The following UBQLN1 variants were observed in gnomAD, a reference collection of about 807,000 sequenced individuals.
UBQLN1 encodes the protein ubiquilin-1.
UBQLN1 carries 13 observed loss-of-function variants against 65.4 expected under a neutral mutation model. The observed-to-expected ratio is 0.20, with a 90% CI of 0.13 to 0.32. UBQLN1 has a LOEUF of 0.32. UBQLN1 is among the 10% of genes least tolerant of loss of function. UBQLN1 has a pLI of 1.00. For synonymous variants in UBQLN1, 267 were observed against 247.8 expected (o/e 1.08, Z -0.73); for missense variants, 561 against 724.0 (o/e 0.77, Z 2.58).
intron 9 of UBQLN1, among the ~76,000 whole-genome samples, 170 bp from the exon 10 acceptor site, chr9:83,664,213 G>A (rs938512802): frequency 2.0e-5 from 3 of 152,154 alleles, no homozygotes; most frequent in Non-Finnish European, 4.4e-5. Flanking sequence ...CCAGGAATTT[G>A]AGATCAGCTT....
Position 83,677,923 on chromosome 9 carries a change from T to C in UBQLN1, c.909A>G (p.Thr303=), listed in dbSNP as rs762879940. 1 of 1,613,968 alleles carries C rather than the reference T, an allele frequency of 6.2e-7. No individual in the cohort carries two copies. The highest frequency in any genetic ancestry group is 8.5e-7 in the Non-Finnish European group (1 of 1,179,992). ...AAGGTTGACTACCTTCACCAGAGGA[T>C]GTATTGCTCACCAAGGAAGCAAATG... ...GNPFASLVSN[T]SSGEGSQPSR... is the part of the protein sequence containing the mutation. The change falls in exon 6 of 11, where the codon ACA becomes ACG. Residue 303 remains threonine, a synonymous_variant. Transcript: ENST00000376395.
At chr9:83,667,935 T>G in intron 7 of UBQLN1, 1 of 984,220 alleles carries the variant, frequency 1.0e-6, no homozygotes, top group Non-Finnish European at 1.2e-6. Flanking sequence ...AAAAAAATAG[T>G]ATGTGAGTGC....
chr9:83,668,512 G>T lies in UBQLN1; in HGVS notation c.1248+673C>A, dbSNP rs112722124. The T allele has an allele frequency of 6.2e-3, 6,082 of 985,298 alleles. 224 individuals carry two copies. The African/African-American group carries it at 0.092, about 15-fold the overall frequency. 61.0% of individuals were successfully genotyped at this position (985,298 alleles called of 1,614,324 possible). A position where few individuals can be genotyped will look rare whatever the true frequency, so the allele number is the denominator to read the frequency against. On this transcript the variant is annotated intron_variant, in intron 7 of 10. Coordinates refer to ENST00000376395, the MANE Select transcript of UBQLN1 (RefSeq NM_013438.5). ...CTTGAGGGAGAAAGGGTTATCGGAC[G>T]CAATTATCTCAAAATCTCTAAGGAT...
At position 83,670,775 on chromosome 9, in the gene UBQLN1, T is replaced by C. The variant is rs1460722001; in HGVS notation, c.1106-1448A>G. Among the ~76,000 whole-genome samples, 3 of 152,200 alleles carry C rather than the reference T, an allele frequency of 2.0e-5. No homozygotes were observed. In the East Asian group the frequency reaches 5.8e-4, roughly 29 times the overall value. ...CAATCCTCTCAAACCCTGCCACTGC[T>C]TTATCAACAAAGTTTATGAAACATT... On this transcript the variant is annotated intron_variant, in intron 6 of 10. Coordinates refer to ENST00000376395, the MANE Select transcript of UBQLN1 (RefSeq NM_013438.5).
intron 6 of UBQLN1, among the ~76,000 whole-genome samples, chr9:83,671,073 C>A (rs558827369): frequency 2.6e-4 from 39 of 152,140 alleles, no homozygotes; most frequent in Non-Finnish European, 3.8e-4. Context: ...TCAAGGGATC[C>A]TCCTGCCCGA....
chr9:83,686,434 C>T (rs1439481079), intron 1 of UBQLN1, among the ~76,000 whole-genome samples: 1 of 152,108 alleles, frequency 6.6e-6, no homozygotes, highest in Non-Finnish European at 1.5e-5. Context: ...CAAAACAATA[C>T]AGAGATGCAT....
At chr9:83,686,517 T>C (rs953075209) in intron 1 of UBQLN1, among the ~76,000 whole-genome samples, 15 of 152,350 alleles carry the variant, frequency 9.8e-5, no homozygotes, top group African/African-American at 3.4e-4. Context: ...GGTCCTACTA[T>C]AGGTGCACAT....
In UBQLN1 at chr9:83,673,546, T is replaced by TAAAAAAAAAAA. The variant is rs762494390; in HGVS notation, c.1105+4170_1105+4180dup. On this transcript the variant is annotated intron_variant, in intron 6 of 10. Coordinates refer to ENST00000376395, the MANE Select transcript of UBQLN1 (RefSeq NM_013438.5). ...GGTGACAGGTCGAGACTCGGTCTTT[T>TAAAAAAAAAAA]AAAAAAAAAAAAAAAAAAAAACAAA... 2.6e-5 allele frequency among the ~76,000 whole-genome samples: 2 copies of TAAAAAAAAAAA among 75,548 alleles called. 1 individual carries two copies. Among genetic ancestry groups the TAAAAAAAAAAA allele is most frequent in the African/African-American group, 1.0e-4 (2 of 19,990 alleles). The allele number at this position is 75,548 out of a possible 152,430, so 49.6% of individuals were successfully genotyped here.
intron 3 of UBQLN1, among the ~76,000 whole-genome samples, chr9:83,681,776 A>T (rs1037821871): frequency 6.6e-6 from 1 of 152,220 alleles, no homozygotes; most frequent in Non-Finnish European, 1.5e-5. Flanking sequence ...CCAAAGGACT[A>T]CAAGAAATGA....
chr9:83,680,078 AAAATT>A, intron 3 of UBQLN1, 41 bp from the exon 4 acceptor site: 1 of 1,558,896 alleles, frequency 6.4e-7, no homozygotes, highest in Non-Finnish European at 8.7e-7. Flanking sequence ...TCAAAGTCAG[AAAATT>A]TATCATTAAC....
intron 1 of UBQLN1, among the ~76,000 whole-genome samples, chr9:83,692,710 G>A (rs2131177784): frequency 6.6e-6 from 1 of 152,204 alleles, no homozygotes; most frequent in South Asian, 2.1e-4. Flanking sequence ...AAATTATCCA[G>A]GCATGGTGGC....
rs1044175 is a variant in UBQLN1, at chr9:83,669,263, C to A, written c.1170G>T (p.Leu390=). The A allele has an allele frequency of 0.65, 1,048,153 of 1,611,444 alleles. 345,620 individuals are homozygous for A. The highest frequency in any genetic ancestry group is 0.88 in the East Asian group (39,550 of 44,734). Residue 390 remains leucine, a synonymous_variant, in exon 7 of 11, where the codon CTG becomes CTT. Coordinates refer to ENST00000376395, the MANE Select transcript of UBQLN1 (RefSeq NM_013438.5). ...AGGGGGCAGACAACATGTTTTGCAT[C>A]AGTTGTGGGTTTTCAGTTATTTGTT... ...LLQQITENPQ[L]MQNMLSAPYM...
At chr9:83,685,772 T>C (rs185044180) in intron 2 of UBQLN1, among the ~76,000 whole-genome samples, 5 of 152,336 alleles carry the variant, frequency 3.3e-5, no homozygotes, top group African/African-American at 1.2e-4. Flanking sequence ...AATTTAGGTA[T>C]AATAACTAAA....
At chr9:83,666,271 A>G in intron 8 of UBQLN1, 79 bp downstream of exon 8, 1 of 1,385,510 alleles carries the variant, frequency 7.2e-7, no homozygotes, top group East Asian at 2.3e-5. Context: ...CAGCCAGAGA[A>G]GAGCAAGGAA....
chr9:83,700,541 C>A (rs1832293482), intron 1 of UBQLN1, among the ~76,000 whole-genome samples: 1 of 152,108 alleles, frequency 6.6e-6, no homozygotes, highest in Non-Finnish European at 1.5e-5. Flanking sequence ...GTGATGAATT[C>A]TTATCAAAAA....
chr9:83,678,842 C>T (rs986140214), intron 4 of UBQLN1, among the ~76,000 whole-genome samples: 9 of 152,084 alleles, frequency 5.9e-5, no homozygotes, highest in Admixed American at 3.3e-4. Context: ...CTCAGCCTCC[C>T]GAGTAGCTGG....
At chr9:83,666,216 C>G in intron 8 of UBQLN1, 134 bp downstream of exon 8, 1 of 759,412 alleles carries the variant, frequency 1.3e-6, no homozygotes, top group Middle Eastern at 3.2e-4. Flanking sequence ...GCTGAATTCT[C>G]TACGAATTGA....
chr9:83,697,139 G>A (rs202127388), intron 1 of UBQLN1, among the ~76,000 whole-genome samples: 1 of 152,040 alleles, frequency 6.6e-6, no homozygotes, highest in East Asian at 1.9e-4. Context: ...TGGGGCAGTG[G>A]ATCGGTGAGG....
chr9:83,702,975 T>C (rs1383319257), intron 1 of UBQLN1, among the ~76,000 whole-genome samples: 3 of 152,142 alleles, frequency 2.0e-5, no homozygotes, highest in Non-Finnish European at 4.4e-5. Context: ...ACTTCAAAAT[T>C]TTACACATAA....
Sources: allele counts gnomAD v4.1 joint callset (sites outside exome capture counted in the v4.1 genomes callset), GRCh38; gene constraint gnomAD v4.1.1; transcripts MANE v1.5; gene names NCBI Gene and HGNC (gene_info 2026-07-23, HGNC 2026-07-21).